The following MYO3B variants were observed in gnomAD, a reference collection of about 807,000 sequenced individuals.
MYO3B encodes myosin-IIIb.
In MYO3B, 156 loss-of-function variants were observed where a neutral mutation model predicts 174.6. The ratio of observed to expected loss-of-function variants is 0.89; its 90% CI spans 0.78 to 1.02. The LOEUF is 1.02. Ranked by LOEUF, MYO3B falls within the 50% of genes least tolerant of loss-of-function variation. The pLI is 0.00. For missense variants in MYO3B, 1,632 were observed against 1,639.4 expected (o/e 1.00, Z 0.08); for synonymous variants, 563 against 569.1 (o/e 0.99, Z 0.15).
chr2:170,327,115 G>A (rs1574791555), intron 7 of MYO3B, among the ~76,000 whole-genome samples: 1 of 152,212 alleles, frequency 6.6e-6, no homozygotes, highest in South Asian at 2.1e-4. Flanking sequence ...GGCTGGGTGT[G>A]GTGGCTCACG....
chr2:170,191,800 A>T (rs532849358), intron 1 of MYO3B, among the ~76,000 whole-genome samples: 1 of 152,076 alleles, frequency 6.6e-6, no homozygotes, highest in African/African-American at 2.4e-5. Context: ...TATTGTTATC[A>T]CTCATCTGAT....
chr2:170,257,233 T>C (rs1352835605), intron 7 of MYO3B, among the ~76,000 whole-genome samples: 2 of 152,104 alleles, frequency 1.3e-5, no homozygotes, highest in Admixed American at 6.5e-5. Flanking sequence ...ACTTGACCAA[T>C]TGGACCTAAT....
intron 16 of MYO3B, 90 bp from the exon 17 acceptor site, chr2:170,400,098 T>TA: frequency 6.5e-7 from 1 of 1,536,678 alleles, no homozygotes; most frequent in Non-Finnish European, 8.9e-7. Context: ...TGGACTTTGG[T>TA]AGACAACTAG....
chr2:170,450,133 T>C (rs1367260504), intron 23 of MYO3B, among the ~76,000 whole-genome samples: 1 of 152,226 alleles, frequency 6.6e-6, no homozygotes, highest in East Asian at 1.9e-4. Context: ...TTAAATTATA[T>C]CAGAATTATA....
intron 23 of MYO3B, among the ~76,000 whole-genome samples, chr2:170,462,728 G>A: frequency 6.6e-6 from 1 of 152,256 alleles, no homozygotes. Context: ...TTATAATAAT[G>A]GAACACAGGC....
intron 7 of MYO3B, among the ~76,000 whole-genome samples, chr2:170,327,212 C>T (rs2093874989): frequency 6.6e-6 from 1 of 152,162 alleles, no homozygotes; most frequent in Non-Finnish European, 1.5e-5. Context: ...TGGTAAAACC[C>T]TGTCTCTACT....
chr2:170,383,683 A>G (rs1338042686), intron 11 of MYO3B, 27 bp from the exon 12 acceptor site: 2 of 1,547,966 alleles, frequency 1.3e-6, no homozygotes, highest in Non-Finnish European at 1.8e-6. Flanking sequence ...TCCAGGGGAG[A>G]GTTTCCTTTA....
At chr2:170,569,733 A>G (rs13428606) in intron 32 of MYO3B, among the ~76,000 whole-genome samples, 117,435 of 151,520 alleles carry the variant, frequency 0.78, 46,473 homozygotes, top group African/African-American at 0.94. Context: ...ATGGTGGCAC[A>G]TGCCTGTAAT....
intron 32 of MYO3B, among the ~76,000 whole-genome samples, chr2:170,629,668 G>C (rs1305931418): frequency 6.6e-6 from 1 of 152,074 alleles, no homozygotes. Flanking sequence ...TGGGCAACAT[G>C]GTGAAACTCC....
At chr2:170,639,770 A>G (rs1350593130) in intron 32 of MYO3B, among the ~76,000 whole-genome samples, 3 of 152,156 alleles carry the variant, frequency 2.0e-5, no homozygotes, top group Admixed American at 1.3e-4. Flanking sequence ...ATTTCTTCAT[A>G]CTACAACCTC....
chr2:170,636,957 C>CATGTGT (rs1553546022), intron 32 of MYO3B, among the ~76,000 whole-genome samples: 1 of 146,578 alleles, frequency 6.8e-6, no homozygotes, highest in Non-Finnish European at 1.5e-5. Context: ...TGCTTTTGTG[C>CATGTGT]GTGTGTGTGT....
chr2:170,542,925 T>G lies in MYO3B; in HGVS notation c.3595T>G (p.Ser1199Ala). 6.2e-7 allele frequency: 1 copy of G among 1,608,636 alleles called. No homozygotes were observed. The highest frequency in any genetic ancestry group is 8.5e-7 in the Non-Finnish European group (1 of 1,177,248). ...TTTCAGGCATTCACAAGCCCAGAGT[T>G]CTCCAAAAGGGTGCGATATCTTCGC... is the stretch of plus-strand genomic sequence containing the variant. ...EKNGHSQAQS[S>A]PKGCDIFAGH... Residue 1199 changes from serine (S) to alanine (A), a missense_variant, in exon 31 of 35, where the codon TCT becomes GCT. Physicochemically the swap from Ser to Ala is moderately conservative, Grantham distance 99. Coordinates refer to ENST00000408978, the MANE Select transcript of MYO3B (RefSeq NM_138995.5).
At chr2:170,490,345 T>C (rs1686387838) in intron 25 of MYO3B, among the ~76,000 whole-genome samples, 1 of 152,176 alleles carries the variant, frequency 6.6e-6, no homozygotes, top group African/African-American at 2.4e-5. Context: ...CAGTTTCTAA[T>C]TGTTTGTTGC....
At chr2:170,480,041 G>GTGTA (rs146738869) in intron 25 of MYO3B, among the ~76,000 whole-genome samples, 91 of 146,370 alleles carry the variant, frequency 6.2e-4, no homozygotes, top group South Asian at 2.3e-3. Context: ...GTGTGTGTGT[G>GTGTA]TATATATATA....
chr2:170,187,005 CT>C (rs35780057), intron 1 of MYO3B, among the ~76,000 whole-genome samples: 9,574 of 134,078 alleles, frequency 0.071, 694 homozygotes, highest in East Asian at 0.32. Context: ...TTTGAGTTGT[CT>C]TTTTTTTTTT....
chr2:170,380,848 G>A (rs1374892740), intron 9 of MYO3B, among the ~76,000 whole-genome samples: 1 of 152,212 alleles, frequency 6.6e-6, no homozygotes. Context: ...GGGTGCAGTG[G>A]CATATGCCTG....
chr2:170,356,197 G>A (rs1290363132), intron 8 of MYO3B, among the ~76,000 whole-genome samples: 2 of 151,496 alleles, frequency 1.3e-5, no homozygotes, highest in African/African-American at 2.4e-5. Flanking sequence ...TCCTGACCTC[G>A]TGATCCGCCC....
At chr2:170,328,800 G>A (rs74558050) in intron 7 of MYO3B, among the ~76,000 whole-genome samples, 3,172 of 151,944 alleles carry the variant, frequency 0.021, 35 homozygotes, top group African/African-American at 0.021. Context: ...AAAAAAATAA[G>A]TACCAGGACA....
At chr2:170,371,200 AG>A (rs1393098894) in intron 9 of MYO3B, among the ~76,000 whole-genome samples, 1 of 143,444 alleles carries the variant, frequency 7.0e-6, no homozygotes, top group African/African-American at 2.6e-5. Context: ...CCTGGGCGAC[AG>A]AGCAAGACAG....
Sources: gnomAD v4.1 joint callset for allele counts (sites outside exome capture counted in the v4.1 genomes callset) on GRCh38, gnomAD v4.1.1 for gene constraint, MANE v1.5 for transcripts, NCBI Gene and HGNC (gene_info 2026-07-23, HGNC 2026-07-21) for gene names.